Variants in LEMD3 observed in about 807,000 individuals in gnomAD.
The protein encoded by LEMD3 is LEM domain containing 3, also known as inner nuclear membrane protein Man1.
Under a neutral mutation model 95.2 loss-of-function variants are expected in LEMD3, and 33 were observed. The ratio of observed to expected loss-of-function variants is 0.35; its 90% confidence interval spans 0.26 to 0.46. LEMD3 has a LOEUF of 0.46. Ranked by LOEUF, LEMD3 falls within the 20% of genes least tolerant of loss-of-function variation. The pLI is 1.00. For missense variants in LEMD3, 1,210 were observed against 1,192.8 expected, an observed-to-expected ratio of 1.01 and a Z score of -0.21; for synonymous variants, 525 against 474.6, an observed-to-expected ratio of 1.11 and a Z score of -1.38.
intron 4 of LEMD3, among the ~76,000 whole-genome samples, chr12:65,228,730 A>C (rs1284822231): frequency 6.6e-6 from 1 of 152,072 alleles, no homozygotes; most frequent in Non-Finnish European, 1.5e-5. Context: ...AATTGTACAT[A>C]TTTATGGGGT....
intron 1 of LEMD3, among the ~76,000 whole-genome samples, chr12:65,178,884 A>G (rs12309197): frequency 0.092 from 14,052 of 152,182 alleles, 715 homozygotes; most frequent in East Asian, 0.15. Context: ...AACTGTGACA[A>G]GTATAGATTC....
Position 65,239,919 on chromosome 12 carries a change from A to G in LEMD3, c.1922-10A>G. ...CAATTTTTAAAATACAAAGTATATT[A>G]ATATTACAGGTGTAGTGATGGTTTG... On this transcript the variant is annotated splice_polypyrimidine_tract_variant and intron_variant, in intron 6 of 12. Coordinates refer to ENST00000308330, the MANE Select transcript of LEMD3 (RefSeq NM_014319.5). 1 of 1,552,220 alleles carries G rather than the reference A, an allele frequency of 6.4e-7. No homozygotes were observed. Among genetic ancestry groups the G allele is most frequent in the Non-Finnish European group, 8.9e-7 (1 of 1,124,122 alleles).
At chr12:65,192,394 A>G (rs1228567498) in intron 1 of LEMD3, among the ~76,000 whole-genome samples, 4 of 152,136 alleles carry the variant, frequency 2.6e-5, no homozygotes, top group Non-Finnish European at 5.9e-5. Flanking sequence ...GTTTTGTCCT[A>G]TACCTGTATA....
chr12:65,240,477 T>A (rs1870901817), intron 8 of LEMD3: 2 of 507,346 alleles, frequency 3.9e-6, no homozygotes, highest in South Asian at 2.6e-5. Context: ...TTCTTGATTC[T>A]TTGTTGTTAG....
At position 65,170,517 on chromosome 12, in the gene LEMD3, G is replaced by C. The variant is rs1441023575; in HGVS notation, c.921G>C (p.Glu307Asp). ...CTAAATCGGCCGGCGGCAGGCTGGA[G>C]ACTTCAGTTCAGGGAGGGGGAGGAC... ...LTAKSAGGRL[E>D]TSVQGGGGLA... The change falls in exon 1 of 13, where the codon GAG becomes GAC. Residue 307 changes from glutamate (E) to aspartate (D), a missense_variant. Transcript: ENST00000308330. 1.7e-5 allele frequency: 27 copies of C among 1,614,030 alleles called. No homozygotes were observed. In the Admixed American group the frequency reaches 4.2e-4, roughly 25 times the overall value.
intron 4 of LEMD3, among the ~76,000 whole-genome samples, chr12:65,231,966 T>C (rs1314701861): frequency 8.5e-5 from 13 of 152,104 alleles, no homozygotes; most frequent in Admixed American, 8.5e-4. Flanking sequence ...ATGATTTTAT[T>C]TTATTGGTTT....
intron 1 of LEMD3, among the ~76,000 whole-genome samples, chr12:65,186,584 A>AT (rs1869070729): frequency 6.7e-6 from 1 of 149,392 alleles, no homozygotes; most frequent in African/African-American, 2.5e-5. Context: ...GTCCAAATGC[A>AT]TTTAAAAAAA....
intron 10 of LEMD3, chr12:65,245,387 C>T (rs1871074235): frequency 2.7e-6 from 1 of 364,826 alleles, no homozygotes; most frequent in Non-Finnish European, 5.1e-6. Flanking sequence ...GATCCGCCTG[C>T]CTCGGCCTCT....
At chr12:65,186,105 A>G (rs1167754582) in intron 1 of LEMD3, among the ~76,000 whole-genome samples, 2 of 152,110 alleles carry the variant, frequency 1.3e-5, no homozygotes, top group Non-Finnish European at 2.9e-5. Flanking sequence ...GCTGCTGGGC[A>G]TAGTTACAAA....
intron 8 of LEMD3, 24 bp downstream of exon 8, chr12:65,240,262 C>A: frequency 1.3e-6 from 2 of 1,521,460 alleles, no homozygotes; most frequent in Non-Finnish European, 1.8e-6. Context: ...ATTATGAGTT[C>A]AAGTAAATCA....
chr12:65,212,558 T>C (rs2136336863), intron 2 of LEMD3, among the ~76,000 whole-genome samples: 1 of 133,042 alleles, frequency 7.5e-6, no homozygotes. Flanking sequence ...AAAAAAAAAT[T>C]CCTTGAAGAG....
At chr12:65,178,558 A>G (rs1868801209) in intron 1 of LEMD3, among the ~76,000 whole-genome samples, 1 of 152,210 alleles carries the variant, frequency 6.6e-6, no homozygotes, top group Non-Finnish European at 1.5e-5. Context: ...AATGAGAATG[A>G]AGTAATGTGT....
intron 4 of LEMD3, among the ~76,000 whole-genome samples, chr12:65,223,446 GAC>G (rs1453423176): frequency 6.6e-6 from 1 of 151,798 alleles, no homozygotes; most frequent in Admixed American, 6.6e-5. Flanking sequence ...TGGGGCTACA[GAC>G]ACATGCCACC....
chr12:65,181,537 A>G (rs1868902910), intron 1 of LEMD3, among the ~76,000 whole-genome samples: 1 of 152,158 alleles, frequency 6.6e-6, no homozygotes, highest in African/African-American at 2.4e-5. Flanking sequence ...ATATATTGTG[A>G]CTTGGGAAAC....
At chr12:65,245,577 A>C in intron 10 of LEMD3, 92 bp from the exon 11 acceptor site, 1 of 871,210 alleles carries the variant, frequency 1.1e-6, no homozygotes. Context: ...AACTATACCA[A>C]TTCTAGTAAT....
chr12:65,202,530 A>G (rs1230380030), intron 1 of LEMD3, among the ~76,000 whole-genome samples: 1 of 152,080 alleles, frequency 6.6e-6, no homozygotes, highest in Non-Finnish European at 1.5e-5. Context: ...TGTATTCATG[A>G]GAGATATTGG....
At chr12:65,219,701 C>T (rs1363035961) in intron 4 of LEMD3, among the ~76,000 whole-genome samples, 3 of 152,184 alleles carry the variant, frequency 2.0e-5, no homozygotes, top group African/African-American at 7.2e-5. Flanking sequence ...CATTGCACAG[C>T]AGGCCCCCGT....
intron 1 of LEMD3, among the ~76,000 whole-genome samples, chr12:65,181,538 C>T (rs1047757510): frequency 6.6e-6 from 1 of 152,068 alleles, no homozygotes; most frequent in Non-Finnish European, 1.5e-5. Flanking sequence ...TATATTGTGA[C>T]TTGGGAAACA....
chr12:65,240,286 C>A, intron 8 of LEMD3, 48 bp downstream of exon 8: 1 of 1,313,606 alleles, frequency 7.6e-7, no homozygotes, highest in Non-Finnish European at 1.1e-6. Flanking sequence ...AATTTAAGTG[C>A]TTTCTGCAGT....
Sources: gnomAD v4.1 joint callset for allele counts (sites outside exome capture counted in the v4.1 genomes callset) on GRCh38, gnomAD v4.1.1 for gene constraint, MANE v1.5 for transcripts, NCBI Gene and HGNC (gene_info 2026-07-23, HGNC 2026-07-21) for gene names.